The following REV3L variants were observed in gnomAD, a reference collection of about 807,000 sequenced individuals.
The protein encoded by REV3L is REV3 like, DNA directed polymerase zeta catalytic subunit, also known as DNA polymerase zeta catalytic subunit.
Under a neutral mutation model 299.4 loss-of-function variants are expected in REV3L, and 69 were observed. The ratio of observed to expected loss-of-function variants is 0.23; its 90% CI spans 0.19 to 0.28. The LOEUF (loss-of-function observed/expected upper bound fraction) is 0.28. Among genes scored for constraint, REV3L ranks in the 10% least tolerant of loss-of-function variants. The pLI is 1.00. For missense variants in REV3L, 3,128 were observed against 3,693.8 expected (o/e 0.85, Z 3.97); for synonymous variants, 1,238 against 1,271.4 (o/e 0.97, Z 0.56).
intron 2 of REV3L, chr6:111,411,959 CAG>C: frequency 1.0e-6 from 1 of 984,912 alleles, no homozygotes; most frequent in African/African-American, 1.7e-5. Context: ...ATGAGAGAAA[CAG>C]ACCTTTCAGC....
chr6:111,336,764 G>A (rs1775930564), intron 21 of REV3L, among the ~76,000 whole-genome samples: 1 of 152,038 alleles, frequency 6.6e-6, no homozygotes, highest in South Asian at 2.1e-4. Context: ...GCCCAAAGTG[G>A]AAACAACCAA....
intron 1 of REV3L, among the ~76,000 whole-genome samples, chr6:111,449,283 C>T (rs1057361355): frequency 2.6e-5 from 4 of 152,144 alleles, no homozygotes; most frequent in Admixed American, 2.0e-4. Flanking sequence ...ACAGCTTCCA[C>T]GGAGCAGAGG....
In REV3L at chr6:111,357,226, C is replaced by T. The variant is rs1778184248; in HGVS notation, c.7073-101G>A. On this transcript the variant is annotated intron_variant, in intron 17 of 31. Coordinates refer to ENST00000368802, the MANE Select transcript of REV3L (RefSeq NM_001372078.1). Reference sequence around the variant, plus strand: ...TCCTCTACTTTTAAGTAAAATTGTACTACTGAAATATTTCAAATTAAGAAA... The same window carrying T: ...TCCTCTACTTTTAAGTAAAATTGTATTACTGAAATATTTCAAATTAAGAAA... 1.1e-5 allele frequency: 4 copies of T among 376,822 alleles called. No homozygotes were observed. The East Asian group carries it at 1.8e-4, about 17-fold the overall frequency. 23.3% of individuals were successfully genotyped at this position (376,822 alleles called of 1,614,324 possible).
chr6:111,481,035 G>A (rs753971287), intron 1 of REV3L, among the ~76,000 whole-genome samples: 2 of 151,906 alleles, frequency 1.3e-5, no homozygotes, highest in Admixed American at 6.6e-5. Flanking sequence ...TTCCACAAAC[G>A]AAACTTTCCT....
chr6:111,433,256 T>C (rs1353509711), intron 1 of REV3L, among the ~76,000 whole-genome samples: 2 of 151,478 alleles, frequency 1.3e-5, no homozygotes, highest in Non-Finnish European at 2.9e-5. Flanking sequence ...AAATGAAAGG[T>C]TGTTTTTTTT....
chr6:111,418,518 G>T (rs1255715639), intron 1 of REV3L, among the ~76,000 whole-genome samples: 1 of 152,132 alleles, frequency 6.6e-6, no homozygotes, highest in East Asian at 1.9e-4. Context: ...GAAAAAGGAA[G>T]AAATGATTTA....
chr6:111,357,185 T>A, intron 17 of REV3L, 60 bp from the exon 18 acceptor site: 1 of 574,582 alleles, frequency 1.7e-6, no homozygotes, highest in Non-Finnish European at 2.7e-6. Context: ...ACCTTCATAA[T>A]ATAAAAGTAA....
At chr6:111,451,543 G>A (rs1429844029) in intron 1 of REV3L, among the ~76,000 whole-genome samples, 1 of 152,114 alleles carries the variant, frequency 6.6e-6, no homozygotes, top group Non-Finnish European at 1.5e-5. Flanking sequence ...CAGGAGGTCA[G>A]AAATTAAAAT....
At chr6:111,429,431 C>T (rs1786591020) in intron 1 of REV3L, among the ~76,000 whole-genome samples, 1 of 152,032 alleles carries the variant, frequency 6.6e-6, no homozygotes, top group African/African-American at 2.4e-5. Context: ...CACTAACTTA[C>T]AAAAAGAAAG....
At chr6:111,342,199 T>C (rs1057339337) in intron 21 of REV3L, among the ~76,000 whole-genome samples, 1 of 152,152 alleles carries the variant, frequency 6.6e-6, no homozygotes, top group Non-Finnish European at 1.5e-5. Context: ...GAAAACTTCC[T>C]GTCATAGATT....
intron 2 of REV3L, chr6:111,412,109 G>A: frequency 1.0e-6 from 1 of 985,286 alleles, no homozygotes; most frequent in African/African-American, 1.7e-5. Flanking sequence ...CAGAGACAAT[G>A]TACCTATTAT....
chr6:111,427,524 G>C (rs186947027), intron 1 of REV3L, among the ~76,000 whole-genome samples: 1 of 152,094 alleles, frequency 6.6e-6, no homozygotes, highest in Non-Finnish European at 1.5e-5. Flanking sequence ...GCAATATCCC[G>C]AACTCAAATA....
intron 1 of REV3L, among the ~76,000 whole-genome samples, chr6:111,437,529 T>C (rs1787701431): frequency 1.3e-5 from 2 of 151,480 alleles, no homozygotes; most frequent in Admixed American, 1.3e-4. Context: ...TTAATTAAAA[T>C]ATTTTAATTT....
chr6:111,456,047 T>C (rs1461521477), intron 1 of REV3L, among the ~76,000 whole-genome samples: 2 of 152,238 alleles, frequency 1.3e-5, no homozygotes, highest in Non-Finnish European at 2.9e-5. Flanking sequence ...CGTTTTCTAA[T>C]GTAACATACA....
intron 22 of REV3L, among the ~76,000 whole-genome samples, chr6:111,334,733 T>C (rs1013023238): frequency 6.6e-6 from 1 of 152,124 alleles, no homozygotes; most frequent in South Asian, 2.1e-4. Context: ...ATAAAATAAA[T>C]AGCTTATAAG....
intron 28 of REV3L, chr6:111,312,989 G>T (rs1773143152): frequency 6.2e-6 from 1 of 162,396 alleles, no homozygotes; most frequent in African/African-American, 2.4e-5. Context: ...GGTATGGGAG[G>T]AAGTCAGAAA....
At position 111,313,403 on chromosome 6, in the gene REV3L, A is replaced by C; in HGVS notation, c.8553T>G (p.Asp2851Glu). The C allele has an allele frequency of 6.2e-7, 1 of 1,613,602 alleles. No homozygotes were observed. The highest frequency in any genetic ancestry group is 8.5e-7 in the Non-Finnish European group (1 of 1,179,858). The part of the protein sequence containing the change: ...ETLDQKDPVF[D>E]AKGIETVRRD... ...TTCTGACTGTTTCTATTCCTTTTGC[A>C]TCAAATACTGGGTCCTTCTGATCCA... Residue 2851 changes from aspartate (D) to glutamate (E), a missense_variant, in exon 28 of 32, where the codon GAT becomes GAG. By Grantham distance (45) the Asp-to-Glu change is conservative (BLOSUM62 2). This residue lies in a region of REV3L where 294 missense variants were observed against 377.0 expected (regional missense o/e 0.78). Transcript: ENST00000368802.
In REV3L at chr6:111,416,316, T is replaced by C; in HGVS notation, c.296A>G (p.Gln99Arg). 1 of 1,613,700 alleles carries C rather than the reference T, an allele frequency of 6.2e-7. No individual in the cohort carries two copies. Among genetic ancestry groups the C allele is most frequent in the Non-Finnish European group, 8.5e-7 (1 of 1,179,718 alleles). ...VALGNPSSTA[Q>R]HVFKVSLVSG... ...TACTAATGACACTTTGAACACATGC[T>C]GAGCAGTGGAAGATGGATTGCCTAA... The change falls in exon 2 of 32, where the codon CAG (glutamine) becomes CGG (arginine). Residue 99 changes from glutamine (Q) to arginine (R), a missense_variant. By Grantham distance (43) the Gln-to-Arg change is conservative. Transcript: ENST00000368802.
At chr6:111,351,615 C>A in intron 19 of REV3L, 61 bp downstream of exon 19, 2 of 1,317,154 alleles carry the variant, frequency 1.5e-6, no homozygotes, top group Non-Finnish European at 2.2e-6. Flanking sequence ...AACATTCTGT[C>A]TTTATTTCCT....
Sources: allele counts gnomAD v4.1 joint callset (sites outside exome capture counted in the v4.1 genomes callset), GRCh38; gene constraint gnomAD v4.1.1; regional missense constraint gnomAD v4.1.1; transcripts MANE v1.5; gene names NCBI Gene and HGNC (gene_info 2026-07-23, HGNC 2026-07-21).